Variants in BOLA3 observed in about 807,000 individuals in gnomAD.
BOLA3 encodes the protein bolA-like protein 3.
BOLA3 carries 8 observed loss-of-function variants against 14.5 expected under a neutral mutation model. The ratio of observed to expected loss-of-function variants is 0.55; its 90% CI spans 0.32 to 0.99. The LOEUF (loss-of-function observed/expected upper bound fraction) is 0.99, where lower values mean the gene tolerates loss of function less well. Among genes scored for constraint, BOLA3 ranks in the 50% least tolerant of loss-of-function variants. BOLA3 has a pLI of 0.04. For synonymous variants in BOLA3, 42 were observed against 45.7 expected (o/e 0.92, Z 0.33); for missense variants, 115 against 138.2 (o/e 0.83, Z 0.84).
At chr2:74,140,610 A>G (rs1160731472) in intron 3 of BOLA3, among the ~76,000 whole-genome samples, 2 of 152,136 alleles carry the variant, frequency 1.3e-5, no homozygotes, top group African/African-American at 4.8e-5. Context: ...GCCAGAAGAC[A>G]CCTTAATCCC....
At chr2:74,136,704 C>A (rs1327593236) in intron 3 of BOLA3, among the ~76,000 whole-genome samples, 1 of 152,206 alleles carries the variant, frequency 6.6e-6, no homozygotes, top group Non-Finnish European at 1.5e-5. Flanking sequence ...ACTTTTCAAC[C>A]TGTCCCCTAG....
At chr2:74,142,790 A>G (rs966084559) in intron 2 of BOLA3, among the ~76,000 whole-genome samples, 4 of 152,190 alleles carry the variant, frequency 2.6e-5, no homozygotes, top group Non-Finnish European at 5.9e-5. Flanking sequence ...TGGTTTGAAA[A>G]CTGTGTAATA....
At chr2:74,136,056 C>T (rs1343252785) in intron 3 of BOLA3, among the ~76,000 whole-genome samples, 2 of 150,996 alleles carry the variant, frequency 1.3e-5, no homozygotes, top group East Asian at 3.9e-4. Flanking sequence ...CTCAAACAAT[C>T]TTCCTGCTTC....
intron 3 of BOLA3, among the ~76,000 whole-genome samples, chr2:74,139,961 G>T (rs1003483244): frequency 2.6e-5 from 4 of 151,968 alleles, no homozygotes; most frequent in Admixed American, 1.3e-4. Flanking sequence ...CAGCATAGTG[G>T]AACCCCATCT....
intron 3 of BOLA3, among the ~76,000 whole-genome samples, chr2:74,138,140 G>T (rs1403496113): frequency 6.6e-6 from 1 of 152,210 alleles, no homozygotes; most frequent in East Asian, 1.9e-4. Context: ...AGCCACACAG[G>T]GTCTTAGAGA....
At chr2:74,144,289 G>A (rs1480216016) in intron 2 of BOLA3, among the ~76,000 whole-genome samples, 1 of 152,202 alleles carries the variant, frequency 6.6e-6, no homozygotes, top group Non-Finnish European at 1.5e-5. Flanking sequence ...TTACAGGCAT[G>A]AGCCACTGCT....
chr2:74,146,492 G>A (rs1692548296), intron 1 of BOLA3: 1 of 152,346 alleles, frequency 6.6e-6, no homozygotes, highest in Non-Finnish European at 1.5e-5. Context: ...ATAGAACCCA[G>A]GCTCATGGGA....
At chr2:74,147,265 G>A (rs934421563) in intron 1 of BOLA3, 5 of 160,468 alleles carry the variant, frequency 3.1e-5, no homozygotes, top group Non-Finnish European at 5.4e-5. Flanking sequence ...TCAGAACCAG[G>A]GGAGAAGGAA....
intron 3 of BOLA3, among the ~76,000 whole-genome samples, chr2:74,141,607 C>T (rs1692439608): frequency 6.6e-6 from 1 of 152,084 alleles, no homozygotes. Context: ...GAACTCAATG[C>T]ATGAGAGGCC....
At chr2:74,136,098 T>C (rs1692323355) in intron 3 of BOLA3, among the ~76,000 whole-genome samples, 1 of 152,162 alleles carries the variant, frequency 6.6e-6, no homozygotes, top group African/African-American at 2.4e-5. Flanking sequence ...TACAGGCACA[T>C]GCCACCATGC....
intron 3 of BOLA3, among the ~76,000 whole-genome samples, chr2:74,142,014 C>G (rs751972647): frequency 2.0e-5 from 3 of 152,224 alleles, no homozygotes; most frequent in Non-Finnish European, 4.4e-5. Flanking sequence ...GTGACAATAA[C>G]AGTAAACATA....
At chr2:74,147,112 C>G (rs1271894653) in intron 1 of BOLA3, 1 of 152,298 alleles carries the variant, frequency 6.6e-6, no homozygotes, top group African/African-American at 2.4e-5. Context: ...GTTGCAGAAT[C>G]CTTGGGAGAA....
intron 3 of BOLA3, among the ~76,000 whole-genome samples, chr2:74,136,954 G>A (rs1036837197): frequency 6.6e-6 from 1 of 152,218 alleles, no homozygotes; most frequent in African/African-American, 2.4e-5. Context: ...AGAAAGTGAG[G>A]TTACAGAATC....
intron 1 of BOLA3, 184 bp downstream of exon 1, chr2:74,147,637 G>A: frequency 1.5e-6 from 1 of 666,600 alleles, no homozygotes; most frequent in Middle Eastern, 4.1e-4. Flanking sequence ...AATTTCGAAT[G>A]CCGTTGTCGC....
rs543245755 is a variant in BOLA3, at chr2:74,135,502, A to G, written c.*91T>C. ...ATGGAAATGTATATGAGCAAAATATATAAATTTTTTGGTGACTGCTTAGGG... is the reference window on the plus strand; with the variant it reads ...ATGGAAATGTATATGAGCAAAATATGTAAATTTTTTGGTGACTGCTTAGGG... On this transcript the variant is annotated 3_prime_UTR_variant, in exon 4 of 4. Transcript: ENST00000327428. 1.9e-6 allele frequency: 3 copies of G among 1,557,176 alleles called. No individual in the cohort carries two copies. Among genetic ancestry groups the G allele is most frequent in the Admixed American group, 3.3e-5 (2 of 59,932 alleles).
rs1692521652 is a variant in BOLA3 at position 74,145,196 on chromosome 2, G to A, written c.162C>T (p.Asp54=). Residue 54 remains aspartate (D), a synonymous_variant, in exon 2 of 4, where the codon GAC becomes GAT. Transcript: ENST00000327428. ...GAGTGAGAGAAACCTTACCTGAAAT[G>A]TCAGTGACTTTTATAGCTGTAGCTC... ...FPRATAIKVT[D]ISGGCGAMYE... is the part of the protein sequence containing the mutation. The A allele has an allele frequency of 5.7e-6, 9 of 1,573,248 alleles. No individual in the cohort carries two copies. Among genetic ancestry groups the A allele is most frequent in the African/African-American group, 1.3e-5 (1 of 74,272 alleles).
At chr2:74,141,152 A>G (rs371167436) in intron 3 of BOLA3, among the ~76,000 whole-genome samples, 1 of 152,176 alleles carries the variant, frequency 6.6e-6, no homozygotes, top group Non-Finnish European at 1.5e-5. Flanking sequence ...TGGGACTGCA[A>G]GAGTTTCCGG....
intron 3 of BOLA3, among the ~76,000 whole-genome samples, chr2:74,141,451 C>T (rs828873): frequency 0.34 from 51,360 of 151,448 alleles, 9,504 homozygotes; most frequent in Middle Eastern, 0.46. Context: ...GAGTGGAGGA[C>T]GGGAGGAAGG....
In BOLA3 at chr2:74,135,629, A is replaced by G. The variant is rs1412585006; in HGVS notation, c.288T>C (p.His96=). 5 of 1,613,892 alleles carry G rather than the reference A, an allele frequency of 3.1e-6. No individual in the cohort carries two copies. The highest frequency in any genetic ancestry group is 4.2e-6 in the Non-Finnish European group (5 of 1,179,916). ...QALKEEIKEM[H]GLRIFTSVPK... ...GGACAGAGGTAAATATCCGCAATCC[A>G]TGCATCTCTTTGATTTCTTCTTTTA... is the stretch of plus-strand genomic sequence containing the variant. The change falls in exon 4 of 4, where the codon CAT becomes CAC. Residue 96 remains histidine (H), a synonymous_variant. Coordinates refer to ENST00000327428, the MANE Select transcript of BOLA3 (RefSeq NM_212552.3).
Sources: allele counts gnomAD v4.1 joint callset (sites outside exome capture counted in the v4.1 genomes callset), GRCh38; gene constraint gnomAD v4.1.1; transcripts MANE v1.5; gene names NCBI Gene and HGNC (gene_info 2026-07-23, HGNC 2026-07-21).